The following PTPRN2 variants were observed in gnomAD, a reference collection of about 807,000 sequenced individuals.
PTPRN2 encodes receptor-type tyrosine-protein phosphatase N2.
A neutral mutation model predicts 118.8 loss-of-function variants in PTPRN2; 74 were observed. The observed-to-expected ratio is 0.62, with a 90% CI of 0.52 to 0.76. PTPRN2 has a LOEUF of 0.76. Ranked by LOEUF, PTPRN2 falls within the 30% of genes least tolerant of loss-of-function variation. PTPRN2 has a pLI of 0.00. For synonymous variants in PTPRN2, 641 were observed against 608.0 expected (o/e 1.05, Z -0.80); for missense variants, 1,481 against 1,394.4 (o/e 1.06, Z -0.99).
In PTPRN2 at chr7:157,571,502, AAAAG is replaced by A. The variant is rs1414282376; in HGVS notation, c.2784-13_2784-10del. ...AGCACTTGTTTACTTTTCTGAAATA[AAAAG>A]AGATATAAAAATTATCGTTGTGTAC... On this transcript the variant is annotated splice_polypyrimidine_tract_variant and intron_variant, in intron 19 of 22. Coordinates refer to ENST00000389418, the MANE Select transcript of PTPRN2 (RefSeq NM_002847.5). 1 of 1,599,790 alleles carries A rather than the reference AAAAG, an allele frequency of 6.3e-7. No individual in the cohort carries two copies. Among genetic ancestry groups the A allele is most frequent in the Non-Finnish European group, 8.5e-7 (1 of 1,169,728 alleles).
chr7:157,991,327 C>T (rs1029455030), intron 11 of PTPRN2, among the ~76,000 whole-genome samples: 23 of 152,248 alleles, frequency 1.5e-4, no homozygotes, highest in Non-Finnish European at 2.9e-5. Context: ...CAATGGCCGG[C>T]ATTTCTGAGG....
chr7:158,119,859 C>T (rs905819577), intron 9 of PTPRN2, among the ~76,000 whole-genome samples: 3 of 151,952 alleles, frequency 2.0e-5, no homozygotes, highest in African/African-American at 7.3e-5. Context: ...ACTACTTTGC[C>T]CAAAAGAATT....
intron 11 of PTPRN2, among the ~76,000 whole-genome samples, chr7:157,980,854 A>AGTG (rs1236091203): frequency 2.0e-5 from 3 of 152,228 alleles, no homozygotes; most frequent in Non-Finnish European, 4.4e-5. Flanking sequence ...AGCCTGAGGA[A>AGTG]ACCCAGGCTT....
chr7:157,772,555 C>T (rs116630792), intron 12 of PTPRN2, among the ~76,000 whole-genome samples: 12 of 152,176 alleles, frequency 7.9e-5, no homozygotes, highest in East Asian at 5.8e-4. Context: ...CTCCTGCTCC[C>T]GGAACCGCCT....
Position 158,110,891 on chromosome 7 carries a change from C to T in PTPRN2, c.1581G>A (p.Arg527=), listed in dbSNP as rs1487098911. Residue 527 remains arginine (R), a synonymous_variant, in exon 10 of 23, where the codon AGG becomes AGA. Coordinates refer to ENST00000389418, the MANE Select transcript of PTPRN2 (RefSeq NM_002847.5). ...DRDPLRPEEG[R]RLVEDVARLL... The stretch of plus-strand genomic sequence containing the variant: ...GGCGGGCGACGTCCTCCACCAGCCG[C>T]CTTCCTTCCTCGGGGCGCAGGGGGC... The T allele has an allele frequency of 2.5e-6, 4 of 1,578,804 alleles. No individual in the cohort carries two copies. The highest frequency in any genetic ancestry group is 2.3e-5 in the East Asian group (1 of 43,414).
At chr7:158,393,367 A>G (rs576791295) in intron 2 of PTPRN2, among the ~76,000 whole-genome samples, 1 of 152,352 alleles carries the variant, frequency 6.6e-6, no homozygotes, top group Admixed American at 6.5e-5. Flanking sequence ...TTCCTTAAAC[A>G]TCATCACCAG....
intron 11 of PTPRN2, among the ~76,000 whole-genome samples, chr7:158,002,542 G>A (rs374742888): frequency 2.0e-5 from 3 of 152,248 alleles, no homozygotes; most frequent in Middle Eastern, 3.4e-3. Flanking sequence ...GCCAAATGCC[G>A]CAGGTGTGGA....
intron 11 of PTPRN2, among the ~76,000 whole-genome samples, chr7:157,967,680 T>C (rs1474588476): frequency 6.6e-6 from 1 of 152,180 alleles, no homozygotes; most frequent in African/African-American, 2.4e-5. Context: ...GCACAAGTTA[T>C]GTATGTGCAG....
intron 3 of PTPRN2, among the ~76,000 whole-genome samples, chr7:158,211,137 C>T (rs1247586281): frequency 2.0e-5 from 3 of 152,128 alleles, no homozygotes; most frequent in African/African-American, 7.2e-5. Flanking sequence ...AAGAATGAAA[C>T]TAGACTCCTA....
chr7:158,157,880 C>T (rs180926928), intron 6 of PTPRN2, among the ~76,000 whole-genome samples: 5 of 152,322 alleles, frequency 3.3e-5, no homozygotes, highest in South Asian at 4.1e-4. Context: ...GGGACTGTTT[C>T]GCTAGGATGA....
chr7:157,566,935 A>G (rs1196647407), intron 21 of PTPRN2, among the ~76,000 whole-genome samples: 1 of 152,204 alleles, frequency 6.6e-6, no homozygotes, highest in Non-Finnish European at 1.5e-5. Context: ...CATTGGAATC[A>G]CAGGTGCCCC....
At chr7:157,731,659 GC>G (rs1799929943) in intron 12 of PTPRN2, among the ~76,000 whole-genome samples, 1 of 32,758 alleles carries the variant, frequency 3.1e-5, no homozygotes. Context: ...CCCGTCCCAC[GC>G]GCCCAGCACA....
intron 16 of PTPRN2, among the ~76,000 whole-genome samples, chr7:157,599,217 C>T (rs1186705241): frequency 6.6e-6 from 1 of 152,172 alleles, no homozygotes; most frequent in Non-Finnish European, 1.5e-5. Flanking sequence ...ACCATATTGG[C>T]CAGGCTGGTC....
rs542735041 is a variant in PTPRN2 at position 158,342,229 on chromosome 7, C to G, written c.164-25297G>C. Among the ~76,000 whole-genome samples, 303 of 144,548 alleles carry G rather than the reference C, an allele frequency of 2.1e-3. 7 individuals are homozygous for G. Among genetic ancestry groups the G allele is most frequent in the African/African-American group, 7.1e-3 (268 of 37,878 alleles). 94.8% of individuals were successfully genotyped at this position (144,548 alleles called of 152,430 possible). ...CCCACACACGTCACTCACACTCACA[C>G]TCTCACCATAAGAGCTGACGCCCGC... On this transcript the variant is annotated intron_variant, in intron 2 of 22. Coordinates refer to ENST00000389418, the MANE Select transcript of PTPRN2 (RefSeq NM_002847.5).
intron 6 of PTPRN2, among the ~76,000 whole-genome samples, chr7:158,145,992 T>A (rs1407005199): frequency 2.0e-5 from 3 of 152,220 alleles, no homozygotes; most frequent in East Asian, 1.9e-4. Context: ...ATACTGTAAG[T>A]GCTTAATAAA....
At chr7:158,391,414 C>CTCCT (rs777480278) in intron 2 of PTPRN2, among the ~76,000 whole-genome samples, 15 of 152,250 alleles carry the variant, frequency 9.9e-5, no homozygotes, top group Non-Finnish European at 2.1e-4. Flanking sequence ...AGGCCCATCT[C>CTCCT]TCCTTCGGAC....
intron 6 of PTPRN2, among the ~76,000 whole-genome samples, chr7:158,156,056 C>A (rs1173535074): frequency 1.3e-5 from 2 of 152,282 alleles, no homozygotes; most frequent in South Asian, 2.1e-4. Context: ...AAAATATATT[C>A]TGCTTCCAAT....
intron 11 of PTPRN2, among the ~76,000 whole-genome samples, chr7:157,980,958 A>G (rs4716521): frequency 0.64 from 95,946 of 149,756 alleles, 30,831 homozygotes; most frequent in East Asian, 0.74. Context: ...TTCCCACCAA[A>G]CCCCGCCTCC....
Position 157,725,347 on chromosome 7 carries a change from CTA to C in PTPRN2, c.1789-42412_1789-42411del, listed in dbSNP as rs1334762667. On this transcript the variant is annotated intron_variant, in intron 12 of 22. Coordinates refer to ENST00000389418, the MANE Select transcript of PTPRN2 (RefSeq NM_002847.5). The stretch of plus-strand genomic sequence containing the variant: ...CTCGCCTCCCAGGAGAACTGGATAT[CTA>C]CACACAGAGGAGTGTGGCCAGACCC... Among the ~76,000 whole-genome samples, 137 of 59,260 alleles carry C rather than the reference CTA, an allele frequency of 2.3e-3. 10 individuals carry two copies. Among genetic ancestry groups the C allele is most frequent in the African/African-American group, 7.7e-3 (96 of 12,490 alleles). 38.9% of individuals were successfully genotyped at this position (59,260 alleles called of 152,430 possible).
Sources: allele counts gnomAD v4.1 joint callset (sites outside exome capture counted in the v4.1 genomes callset), GRCh38; gene constraint gnomAD v4.1.1; transcripts MANE v1.5; gene names NCBI Gene and HGNC (gene_info 2026-07-23, HGNC 2026-07-21).